Variants in USP34 observed in about 807,000 individuals in gnomAD.
USP34 encodes the protein ubiquitin carboxyl-terminal hydrolase 34.
A neutral mutation model predicts 460.3 loss-of-function variants in USP34; 70 were observed. The observed-to-expected ratio is 0.15, with a 90% CI of 0.13 to 0.19. The LOEUF is 0.19. Among genes scored for constraint, USP34 ranks in the 10% least tolerant of loss-of-function variants. The probability of loss-of-function intolerance (pLI) is 1.00; values close to 1 mark genes in which losing one functional copy is unlikely to be tolerated. For missense variants in USP34, 3,985 were observed against 4,236.2 expected, an observed-to-expected ratio of 0.94 and a Z score of 1.65; for synonymous variants, 1,647 against 1,405.3, an observed-to-expected ratio of 1.17 and a Z score of -3.85.
chr2:61,194,530 C>G (rs2103743372), intron 75 of USP34, among the ~76,000 whole-genome samples: 1 of 152,364 alleles, frequency 6.6e-6, no homozygotes, highest in Non-Finnish European at 1.5e-5. Context: ...AGTGTCTTCA[C>G]TCTGTTGCCC....
At chr2:61,388,939 A>T (rs1021631038) in intron 5 of USP34, among the ~76,000 whole-genome samples, 3 of 152,124 alleles carry the variant, frequency 2.0e-5, no homozygotes, top group African/African-American at 7.2e-5. Context: ...CAGTAAAATA[A>T]ATTGGTATAT....
At chr2:61,393,705 TATTA>T (rs1255076706) in intron 5 of USP34, among the ~76,000 whole-genome samples, 2 of 152,208 alleles carry the variant, frequency 1.3e-5, no homozygotes, top group Non-Finnish European at 2.9e-5. Context: ...TGATATTAGC[TATTA>T]ATTAAGGTAA....
chr2:61,273,540 G>A (rs1363827324), intron 41 of USP34, among the ~76,000 whole-genome samples: 2 of 152,166 alleles, frequency 1.3e-5, no homozygotes, highest in African/African-American at 4.8e-5. Context: ...CCAACATGGT[G>A]AAACCCTTCT....
chr2:61,206,206 G>T, intron 71 of USP34, 82 bp from the exon 72 acceptor site: 2 of 1,145,868 alleles, frequency 1.7e-6, no homozygotes, highest in Non-Finnish European at 2.6e-6. Context: ...ACTACAGAAT[G>T]CTAATGCTAG....
At chr2:61,391,766 G>C (rs1446114520) in intron 5 of USP34, among the ~76,000 whole-genome samples, 2 of 152,070 alleles carry the variant, frequency 1.3e-5, no homozygotes, top group African/African-American at 4.8e-5. Context: ...TAGCAAGCTT[G>C]ATTACAAAAA....
intron 69 of USP34, among the ~76,000 whole-genome samples, chr2:61,210,134 T>G (rs1424990531): frequency 6.6e-6 from 1 of 152,076 alleles, no homozygotes. Context: ...TAAAATAAAT[T>G]TAGTGTAGCT....
intron 53 of USP34, among the ~76,000 whole-genome samples, chr2:61,237,950 G>A (rs1224554029): frequency 1.3e-5 from 2 of 151,604 alleles, no homozygotes; most frequent in South Asian, 2.1e-4. Context: ...AGGCTGGAGT[G>A]CAATGGCGCG....
At chr2:61,280,674 T>C (rs1689507973) in intron 38 of USP34, among the ~76,000 whole-genome samples, 2 of 152,158 alleles carry the variant, frequency 1.3e-5, no homozygotes. Flanking sequence ...TTATTATGTA[T>C]TAGAAGCCTT....
chr2:61,205,098 T>G (rs1687079491), intron 72 of USP34, among the ~76,000 whole-genome samples: 1 of 152,058 alleles, frequency 6.6e-6, no homozygotes, highest in Non-Finnish European at 1.5e-5. Flanking sequence ...TCTCGAGCAA[T>G]CCCCTCCTGC....
At position 61,293,470 on chromosome 2, in the gene USP34, C is replaced by A; in HGVS notation, c.4542G>T (p.Trp1514Cys). Residue 1514 changes from tryptophan to cysteine, a missense_variant, in exon 33 of 80, where the codon TGG becomes TGT. Trp to Cys is a radical substitution (Grantham distance 215). Around this residue, in one of 14 missense-constraint regions of USP34, gnomAD observed 1,114 missense variants for 1,122.5 expected, o/e 0.99. Transcript: ENST00000398571. ...ACCATAAATATGCACTTACCACAGT[C>A]CATGATTCCTGCTCTTTAGGCTCTA... The part of the protein sequence containing the change: ...GILEPKEQES[W>C]TVWQLDCLAC... 6.2e-7 allele frequency: 1 copy of A among 1,612,074 alleles called. No individual in the cohort carries two copies. Among genetic ancestry groups the A allele is most frequent in the South Asian group, 1.1e-5 (1 of 90,864 alleles).
chr2:61,221,390 C>T, intron 66 of USP34, 112 bp downstream of exon 66: 1 of 973,202 alleles, frequency 1.0e-6, no homozygotes, highest in East Asian at 2.7e-5. Context: ...CTGTGACTTA[C>T]TAAAACCATC....
intron 44 of USP34, among the ~76,000 whole-genome samples, chr2:61,258,285 C>A (rs1688775613): frequency 1.3e-5 from 2 of 152,268 alleles, no homozygotes; most frequent in South Asian, 4.1e-4. Flanking sequence ...GATGGTGCCA[C>A]TGAACTCTAG....
intron 1 of USP34, among the ~76,000 whole-genome samples, chr2:61,453,647 T>C (rs1443912780): frequency 1.3e-5 from 2 of 148,514 alleles, no homozygotes; most frequent in African/African-American, 2.5e-5. Context: ...GAGGCGCAGG[T>C]TGCACTGAGC....
intron 16 of USP34, among the ~76,000 whole-genome samples, chr2:61,343,171 C>T (rs1366411509): frequency 6.6e-6 from 1 of 152,224 alleles, no homozygotes; most frequent in Non-Finnish European, 1.5e-5. Context: ...ATGATACCAA[C>T]CAAACAAGAG....
chr2:61,218,204 A>G (rs906032980), intron 67 of USP34, among the ~76,000 whole-genome samples: 5 of 150,792 alleles, frequency 3.3e-5, no homozygotes, highest in African/African-American at 1.2e-4. Flanking sequence ...GGGTCAAGAC[A>G]TGAATGCCAA....
intron 19 of USP34, among the ~76,000 whole-genome samples, chr2:61,333,135 G>A (rs536941891): frequency 3.0e-4 from 46 of 152,084 alleles, no homozygotes; most frequent in African/African-American, 1.1e-3. Context: ...ATTGTTTGTG[G>A]TAGACAACTT....
chr2:61,467,076 C>A (rs541941804), intron 1 of USP34, among the ~76,000 whole-genome samples: 4 of 151,800 alleles, frequency 2.6e-5, no homozygotes, highest in African/African-American at 9.7e-5. Flanking sequence ...GAGACGGAAG[C>A]GGGTAGATCA....
intron 1 of USP34, among the ~76,000 whole-genome samples, chr2:61,453,068 AAATT>A (rs1405312230): frequency 6.6e-6 from 1 of 152,192 alleles, no homozygotes; most frequent in Non-Finnish European, 1.5e-5. Context: ...TTTAGGCAAT[AAATT>A]AATACAACCT....
chr2:61,230,480 C>T lies in USP34; in HGVS notation c.7114-847G>A, dbSNP rs981687857. Among the ~76,000 whole-genome samples the T allele has an allele frequency of 3.9e-5, 6 of 152,158 alleles. No individual in the cohort carries two copies. The South Asian group carries it at 6.2e-4, about 16-fold the overall frequency. On this transcript the variant is annotated intron_variant, in intron 58 of 79. Coordinates refer to ENST00000398571, the MANE Select transcript of USP34 (RefSeq NM_014709.4). ...TGGCGGTTGCAGTGAGACGTGATCACGCCATTGCACTCCAGCCTGGTTGAC... is the reference window on the plus strand; with the variant it reads ...TGGCGGTTGCAGTGAGACGTGATCATGCCATTGCACTCCAGCCTGGTTGAC...
Sources: gnomAD v4.1 joint callset for allele counts (sites outside exome capture counted in the v4.1 genomes callset) on GRCh38, gnomAD v4.1.1 for gene constraint, gnomAD v4.1.1 regional missense constraint, MANE v1.5 for transcripts, NCBI Gene and HGNC (gene_info 2026-07-23, HGNC 2026-07-21) for gene names.